The following PRELID2 variants were observed in gnomAD, a reference collection of about 807,000 sequenced individuals.
PRELID2 encodes PRELI domain-containing protein 2.
In PRELID2, 25 loss-of-function variants were observed where a neutral mutation model predicts 28.4. The ratio of observed to expected loss-of-function variants is 0.88; its 90% CI spans 0.64 to 1.23. PRELID2 has a LOEUF of 1.23. Among genes scored for constraint, PRELID2 ranks in the 50% most tolerant of loss-of-function variants. The probability of loss-of-function intolerance (pLI) is 0.00; values close to 1 mark genes in which losing one functional copy is unlikely to be tolerated. For missense variants in PRELID2, 201 were observed against 214.4 expected, an observed-to-expected ratio of 0.94 and a Z score of 0.39; for synonymous variants, 76 against 71.6, an observed-to-expected ratio of 1.06 and a Z score of -0.31.
intron 1 of PRELID2, among the ~76,000 whole-genome samples, chr5:145,744,918 C>G (rs947532323): frequency 3.3e-5 from 5 of 151,974 alleles, no homozygotes; most frequent in Non-Finnish European, 7.4e-5. Flanking sequence ...CTGTGCTGAG[C>G]TCAAGGAGCA....
At chr5:145,359,046 C>T in the PRELID2 span, among the ~76,000 whole-genome samples, 3 of 152,194 alleles carry the variant, frequency 2.0e-5, no homozygotes, top group Non-Finnish European at 2.9e-5. Context: ...CCCTGCACAG[C>T]TGTCAGCTTC....
At chr5:145,471,390 C>T (rs113421165), downstream of PRELID2, among the ~76,000 whole-genome samples, 27 of 152,170 alleles carry the variant, frequency 1.8e-4, 1 homozygote, top group African/African-American at 6.3e-4. Context: ...ATTTCTTATA[C>T]CAAAAGGGGA....
chr5:145,788,325 A>C lies in PRELID2; in HGVS notation c.474+8117T>G, dbSNP rs375241772. 3.1e-4 allele frequency among the ~76,000 whole-genome samples: 47 copies of C among 152,322 alleles called. 1 individual carries two copies. In the South Asian group the frequency reaches 5.8e-3, roughly 19 times the overall value. ...TTAGCATGACTTGAGATAAGCAAAT[A>C]CTTGTCTTCAGCATGTTTTTGGCAC... On this transcript the variant is annotated intron_variant, in intron 5 of 6. Coordinates refer to ENST00000683046, the MANE Select transcript of PRELID2 (RefSeq NM_205846.3).
the PRELID2 span, among the ~76,000 whole-genome samples, chr5:145,423,129 G>T: frequency 7.9e-4 from 120 of 151,930 alleles, no homozygotes; most frequent in Non-Finnish European, 1.5e-3. Context: ...GGGCTTCCCT[G>T]TGAGGGTAAC....
intron 1 of PRELID2, among the ~76,000 whole-genome samples, chr5:145,557,217 A>C (rs1752888026): frequency 6.6e-6 from 1 of 152,176 alleles, no homozygotes; most frequent in Non-Finnish European, 1.5e-5. Context: ...TGACAACCAA[A>C]TTTTTATTAA....
intron 5 of PRELID2, among the ~76,000 whole-genome samples, chr5:145,790,423 A>C (rs1274242978): frequency 6.6e-6 from 1 of 152,078 alleles, no homozygotes; most frequent in Non-Finnish European, 1.5e-5. Flanking sequence ...TAAAATCTAA[A>C]AAAGTTAAAC....
At chr5:145,685,159 T>C (rs1045053835) in intron 1 of PRELID2, among the ~76,000 whole-genome samples, 3 of 152,220 alleles carry the variant, frequency 2.0e-5, no homozygotes, top group Admixed American at 6.6e-5. Context: ...CTAAACCTTT[T>C]ATTCCACTGC....
chr5:145,396,245 T>C, the PRELID2 span, among the ~76,000 whole-genome samples: 2 of 152,136 alleles, frequency 1.3e-5, no homozygotes, highest in African/African-American at 2.4e-5. Context: ...ACTGGGACAT[T>C]ATTAGATGTG....
At chr5:145,710,232 TATG>T (rs769681314) in intron 1 of PRELID2, among the ~76,000 whole-genome samples, 6 of 152,264 alleles carry the variant, frequency 3.9e-5, no homozygotes, top group African/African-American at 1.2e-4. Context: ...ATGTTATATA[TATG>T]ATAAGTATAA....
intron 1 of PRELID2, among the ~76,000 whole-genome samples, chr5:145,512,306 G>A (rs1052155791): frequency 6.6e-6 from 1 of 152,152 alleles, no homozygotes; most frequent in Admixed American, 6.5e-5. Flanking sequence ...CAGAGTGAGA[G>A]CCAAAGCAGG....
rs143429534 is a variant in PRELID2 at position 145,657,735 on chromosome 5, C to T, written n.70+107196G>A. Among the ~76,000 whole-genome samples the T allele has an allele frequency of 1.5e-3, 235 of 152,238 alleles. 2 individuals carry two copies. Among genetic ancestry groups the T allele is most frequent in the African/African-American group, 5.5e-3 (228 of 41,550 alleles). ...ATGAGCCCTTAAGTGCTAACGAATA[C>T]ATCAGGCACAAACTCTGGACTCCTC... On this transcript the variant is annotated intron_variant and non_coding_transcript_variant, in intron 1 of 2. Coordinates refer to the PRELID2 transcript ENST00000510259.
chr5:145,251,659 C>T, the PRELID2 span, among the ~76,000 whole-genome samples: 3 of 152,144 alleles, frequency 2.0e-5, no homozygotes, highest in Non-Finnish European at 4.4e-5. Context: ...ATACCCTCGA[C>T]AAAATAGTTG....
At chr5:145,301,310 T>C in the PRELID2 span, among the ~76,000 whole-genome samples, 1,642 of 152,240 alleles carry the variant, frequency 0.011, 33 homozygotes, top group African/African-American at 0.038. Flanking sequence ...TGAAATACAT[T>C]CATGTAGTTT....
chr5:145,641,524 T>C (rs1754106158), intron 1 of PRELID2, among the ~76,000 whole-genome samples: 1 of 152,216 alleles, frequency 6.6e-6, no homozygotes, highest in East Asian at 1.9e-4. Flanking sequence ...TTATTATTAT[T>C]ATTTTACTTT....
chr5:145,802,666 C>T (rs1753213024), intron 4 of PRELID2, among the ~76,000 whole-genome samples: 1 of 152,152 alleles, frequency 6.6e-6, no homozygotes, highest in African/African-American at 2.4e-5. Context: ...GAGTGAGGCT[C>T]ACCCACTCAA....
chr5:145,796,517 T>G lies in PRELID2; in HGVS notation c.399A>C (p.Ser133=), dbSNP rs771925155. ...WTEFIQRGRI[S]ITGVGFLNCV... The stretch of plus-strand genomic sequence containing the variant: ...AGTTGAGAAATCCAACCCCTGTGAT[T>G]GAAATCCTGCCTCTTTGAATGAACT... Residue 133 remains serine (S), a synonymous_variant, in exon 5 of 7, where the codon TCA becomes TCC. Coordinates refer to ENST00000683046, the MANE Select transcript of PRELID2 (RefSeq NM_205846.3). The G allele has an allele frequency of 2.5e-6, 4 of 1,608,594 alleles. No individual in the cohort carries two copies. The highest frequency in any genetic ancestry group is 3.4e-5 in the Admixed American group (2 of 59,248).
intron 1 of PRELID2, among the ~76,000 whole-genome samples, chr5:145,545,402 C>T (rs1752777784): frequency 6.6e-6 from 1 of 150,990 alleles, no homozygotes; most frequent in African/African-American, 2.4e-5. Flanking sequence ...TAATTTTAAA[C>T]ATTACTTTTA....
chr5:145,827,038 G>A (rs897315391), intron 1 of PRELID2, among the ~76,000 whole-genome samples: 2 of 152,152 alleles, frequency 1.3e-5, no homozygotes, highest in African/African-American at 4.8e-5. Context: ...TTACCAGAGA[G>A]AGTACAAGGA....
intron 5 of PRELID2, among the ~76,000 whole-genome samples, chr5:145,770,665 T>A (rs1758044954): frequency 6.6e-6 from 1 of 152,168 alleles, no homozygotes; most frequent in East Asian, 1.9e-4. Flanking sequence ...AGATTGATGA[T>A]CCTGATTCTG....
Sources: allele counts gnomAD v4.1 joint callset (sites outside exome capture counted in the v4.1 genomes callset), GRCh38; gene constraint gnomAD v4.1.1; transcripts MANE v1.5; gene names NCBI Gene and HGNC (gene_info 2026-07-23, HGNC 2026-07-21).